Variants in DDX55 observed in about 807,000 individuals in gnomAD.
DDX55 encodes DEAD-box helicase 55.
A neutral mutation model predicts 69.2 loss-of-function variants in DDX55; 56 were observed. That is an observed-to-expected ratio of 0.81 (90% CI 0.65 to 1.01). The LOEUF (loss-of-function observed/expected upper bound fraction) is 1.01, where lower values mean the gene tolerates loss of function less well. Among genes scored for constraint, DDX55 ranks in the 50% least tolerant of loss-of-function variants. DDX55 has a pLI of 0.00. For missense variants in DDX55, 720 were observed against 745.1 expected, an observed-to-expected ratio of 0.97 and a Z score of 0.39; for synonymous variants, 268 against 273.1, an observed-to-expected ratio of 0.98 and a Z score of 0.18.
At chr12:123,609,040 A>G (rs1264562210) in intron 6 of DDX55, among the ~76,000 whole-genome samples, 2 of 151,868 alleles carry the variant, frequency 1.3e-5, no homozygotes, top group East Asian at 3.9e-4. Context: ...TGCAGCCTCA[A>G]CCTCTCGGGC....
chr12:123,607,181 C>T (rs956671156), intron 3 of DDX55, among the ~76,000 whole-genome samples: 2 of 152,202 alleles, frequency 1.3e-5, no homozygotes, highest in African/African-American at 2.4e-5. Flanking sequence ...CTGTGTTTCC[C>T]CTGTGAGCAG....
chr12:123,611,934 C>T (rs1250161720), intron 7 of DDX55, among the ~76,000 whole-genome samples: 1 of 152,222 alleles, frequency 6.6e-6, no homozygotes, highest in Non-Finnish European at 1.5e-5. Flanking sequence ...GAGGTCCTTA[C>T]TTGTCAAATG....
At chr12:123,609,255 G>T (rs1332387795) in intron 6 of DDX55, among the ~76,000 whole-genome samples, 1 of 151,948 alleles carries the variant, frequency 6.6e-6, no homozygotes, top group African/African-American at 2.4e-5. Context: ...CCTGGCCTAA[G>T]TATTTTTATT....
At position 123,613,314 on chromosome 12, in the gene DDX55, C is replaced by T. The variant is rs931622949; in HGVS notation, c.824+62C>T. 23 of 1,539,118 alleles carry T rather than the reference C, an allele frequency of 1.5e-5. No homozygotes were observed. The East Asian group carries it at 1.6e-4, about 11-fold the overall frequency. The stretch of plus-strand genomic sequence containing the variant: ...TTCAGCCAGAATGTGCAGGTGCATG[C>T]GGCCTTTGGGTTTTGGATTCCATCT... On this transcript the variant is annotated intron_variant, in intron 8 of 13. Transcript: ENST00000238146.
intron 9 of DDX55, among the ~76,000 whole-genome samples, chr12:123,615,991 C>G (rs1189563804): frequency 2.0e-5 from 3 of 151,998 alleles, no homozygotes; most frequent in Non-Finnish European, 4.4e-5. Context: ...CAAAAACAAA[C>G]AAACAAAGAA....
At chr12:123,611,468 C>G (rs1954237689) in intron 7 of DDX55, among the ~76,000 whole-genome samples, 1 of 152,184 alleles carries the variant, frequency 6.6e-6, no homozygotes, top group South Asian at 2.1e-4. Context: ...GGGGCTGGGG[C>G]TTTTCTTTCT....
In DDX55 at chr12:123,606,089, A is replaced by C; in HGVS notation, c.176A>C (p.Lys59Thr). The C allele has an allele frequency of 6.2e-7, 1 of 1,614,196 alleles. No homozygotes were observed. Among genetic ancestry groups the C allele is most frequent in the African/African-American group, 1.3e-5 (1 of 75,038 alleles). Residue 59 changes from lysine to threonine, a missense_variant, in exon 3 of 14, where the codon AAA becomes ACA. By Grantham distance (78) the Lys-to-Thr change is moderately conservative. Coordinates refer to ENST00000238146, the MANE Select transcript of DDX55 (RefSeq NM_020936.3). Reference protein sequence around the residue: ...VAAEAVTGSGKTLAFVIPILE... With the variant: ...VAAEAVTGSGTTLAFVIPILE... ...TGTTTGCAGGTCACAGGTAGTGGCA[A>C]AACACTCGCTTTTGTCATCCCCATC... is the stretch of plus-strand genomic sequence containing the variant.
Position 123,619,297 on chromosome 12 carries a change from C to G in DDX55, c.1334-135C>G, listed in dbSNP as rs948955688. ...GGATTACAGGCGTGAGCCACTGCAC[C>G]CGGCCTCAATTATTTTCATTCTAAC... On this transcript the variant is annotated intron_variant, in intron 12 of 13. Coordinates refer to ENST00000238146, the MANE Select transcript of DDX55 (RefSeq NM_020936.3). 2.9e-6 allele frequency: 4 copies of G among 1,383,776 alleles called. No individual in the cohort carries two copies. The African/African-American group carries it at 5.9e-5, about 20-fold the overall frequency. 85.7% of individuals were successfully genotyped at this position (1,383,776 alleles called of 1,614,324 possible). A position where few individuals can be genotyped will look rare whatever the true frequency, so the allele number is the denominator to read the frequency against.
chr12:123,609,163 T>G (rs1170867572), intron 6 of DDX55, among the ~76,000 whole-genome samples: 3 of 151,898 alleles, frequency 2.0e-5, no homozygotes, highest in Non-Finnish European at 4.4e-5. Flanking sequence ...TGTTGCCCAG[T>G]CTGTTCTCAA....
chr12:123,610,551 G>T (rs192983556), intron 7 of DDX55, among the ~76,000 whole-genome samples: 198 of 147,816 alleles, frequency 1.3e-3, no homozygotes, highest in African/African-American at 4.7e-3. Flanking sequence ...GGGTGGAAAT[G>T]TTCTGCTCCG....
rs1442222240 is a variant in DDX55, at chr12:123,616,861, A to T, written c.1049+258A>T. On this transcript the variant is annotated intron_variant, in intron 10 of 13. Coordinates refer to ENST00000238146, the MANE Select transcript of DDX55 (RefSeq NM_020936.3). ...CAATGAGAGAAAACAAAAAACAACA[A>T]CATTATTTGAGGCTGGGCGCGGTGG... 3 of 424,680 alleles carry T rather than the reference A, an allele frequency of 7.1e-6. No homozygotes were observed. The East Asian group carries it at 1.5e-4, about 21-fold the overall frequency. 26.3% of individuals were successfully genotyped at this position (424,680 alleles called of 1,614,324 possible).
At chr12:123,616,362 A>G in intron 9 of DDX55, 149 bp from the exon 10 acceptor site, 1 of 655,718 alleles carries the variant, frequency 1.5e-6, no homozygotes, top group Non-Finnish European at 2.6e-6. Context: ...ATTTGTAGAA[A>G]GAAGAAAAAA....
intron 1 of DDX55, among the ~76,000 whole-genome samples, chr12:123,604,375 A>C (rs1411206287): frequency 1.3e-5 from 2 of 152,174 alleles, no homozygotes; most frequent in Non-Finnish European, 2.9e-5. Flanking sequence ...AGGCCCTGTC[A>C]TCACAAAAAT....
chr12:123,619,657 C>G lies in DDX55; in HGVS notation c.1559C>G (p.Ala520Gly), dbSNP rs573218790. Reference protein sequence around the residue: ...EGRRKFIKNKAWSKQKAKKEK... With the variant: ...EGRRKFIKNKGWSKQKAKKEK... ...AGAAGAAAATTCATAAAAAATAAAG[C>G]TTGGTCAAAGCAGAAGGCCAAAAAA... The change falls in exon 13 of 14, where the codon GCT (alanine) becomes GGT (glycine). Residue 520 changes from alanine (A) to glycine (G), a missense_variant. By Grantham distance (60) the Ala-to-Gly change is moderately conservative (BLOSUM62 0). Transcript: ENST00000238146. The G allele has an allele frequency of 1.9e-6, 3 of 1,608,246 alleles. No individual in the cohort carries two copies. In the African/African-American group the frequency reaches 4.0e-5, roughly 22 times the overall value.
intron 3 of DDX55, among the ~76,000 whole-genome samples, chr12:123,606,453 A>G (rs1953897163): frequency 6.6e-6 from 1 of 152,152 alleles, no homozygotes; most frequent in Admixed American, 6.5e-5. Context: ...CCTGCTCGTT[A>G]AAATTTAGAA....
At chr12:123,615,963 C>G (rs529959851) in intron 9 of DDX55, among the ~76,000 whole-genome samples, 12 of 152,226 alleles carry the variant, frequency 7.9e-5, no homozygotes, top group Non-Finnish European at 1.5e-4. Context: ...GCCTGGGTGA[C>G]AGAGTGAGAC....
chr12:123,611,008 T>C (rs1593700328), intron 7 of DDX55, among the ~76,000 whole-genome samples: 1 of 152,168 alleles, frequency 6.6e-6, no homozygotes, highest in Middle Eastern at 3.4e-3. Flanking sequence ...CAAGCAATTC[T>C]TCTGCCTCAG....
At chr12:123,607,914 G>A (rs1035645135) in intron 5 of DDX55, 7 of 543,188 alleles carry the variant, frequency 1.3e-5, no homozygotes, top group African/African-American at 9.5e-5. Flanking sequence ...GTGGTCAGGG[G>A]CTGGGGGATG....
At position 123,620,201 on chromosome 12, in the gene DDX55, C is replaced by A; in HGVS notation, c.*61C>A. The stretch of plus-strand genomic sequence containing the variant: ...TGTTCCCTAACTTGGTGGATGGCTC[C>A]AGTTTGCTTTTAACGAAAATCACAA... On this transcript the variant is annotated 3_prime_UTR_variant, in exon 14 of 14. Transcript: ENST00000238146. 6.6e-7 allele frequency: 1 copy of A among 1,515,732 alleles called. No individual in the cohort carries two copies. Among genetic ancestry groups the A allele is most frequent in the Non-Finnish European group, 8.9e-7 (1 of 1,123,608 alleles). The allele number at this position is 1,515,732 out of a possible 1,614,324, so 93.9% of individuals were successfully genotyped here. A position where few individuals can be genotyped will look rare whatever the true frequency, so the allele number is the denominator to read the frequency against.
Sources: gnomAD v4.1 joint callset for allele counts (sites outside exome capture counted in the v4.1 genomes callset) on GRCh38, gnomAD v4.1.1 for gene constraint, MANE v1.5 for transcripts, NCBI Gene and HGNC (gene_info 2026-07-23, HGNC 2026-07-21) for gene names.